Variants in SLC2A14 observed in about 807,000 individuals in gnomAD.
SLC2A14 encodes the protein solute carrier family 2 member 14, also known as solute carrier family 2, facilitated glucose transporter member 14.
In SLC2A14, 13 loss-of-function variants were observed where a neutral mutation model predicts 43.0. That is an observed-to-expected ratio of 0.30 (90% CI 0.20 to 0.48). The LOEUF (loss-of-function observed/expected upper bound fraction) is 0.48, where lower values mean the gene tolerates loss of function less well. SLC2A14 is among the 20% of genes least tolerant of loss of function. The pLI is 0.99. For synonymous variants in SLC2A14, 190 were observed against 233.8 expected (o/e 0.81, Z 1.71); for missense variants, 428 against 620.4 (o/e 0.69, Z 3.29).
intron 1 of SLC2A14, chr12:7,871,227 G>A: frequency 8.1e-7 from 1 of 1,241,028 alleles, no homozygotes; most frequent in Non-Finnish European, 1.0e-6. Context: ...ACCACCTCCA[G>A]GAGCTGCTCA....
At chr12:7,887,312 G>GAAA (rs113187028) in intron 1 of SLC2A14, among the ~76,000 whole-genome samples, 1 of 146,390 alleles carries the variant, frequency 6.8e-6, no homozygotes, top group African/African-American at 2.5e-5. Context: ...AGGCTGTCAT[G>GAAA]AAAAAAAAAA....
Position 7,832,714 on chromosome 12 carries a change from GC to G in SLC2A14, c.111+7del. ...TCCAGATTCTAATTCTTGTGGCCTG[GC>G]ACTCACCGTCTCAGGAGCATTGATG... On this transcript the variant is annotated splice_region_variant and intron_variant, in intron 3 of 10. Coordinates refer to ENST00000431042, the MANE Select transcript of SLC2A14 (RefSeq NM_001286234.2). 6 of 1,612,490 alleles carry G rather than the reference GC, an allele frequency of 3.7e-6. No individual in the cohort carries two copies. Among genetic ancestry groups the G allele is most frequent in the Non-Finnish European group, 4.2e-6 (5 of 1,178,748 alleles).
intron 2 of SLC2A14, among the ~76,000 whole-genome samples, chr12:7,841,356 G>A (rs962334820): frequency 2.0e-5 from 3 of 152,004 alleles, no homozygotes; most frequent in East Asian, 1.9e-4. Context: ...CACCTCCCAC[G>A]TTTAAGCGAT....
intron 2 of SLC2A14, among the ~76,000 whole-genome samples, chr12:7,855,393 A>G (rs776082068): frequency 6.6e-6 from 1 of 151,960 alleles, no homozygotes; most frequent in Non-Finnish European, 1.5e-5. Flanking sequence ...TTCCTGCCTC[A>G]GCCTCCAAAA....
chr12:7,855,399 C>T (rs779942696), intron 2 of SLC2A14, among the ~76,000 whole-genome samples: 26 of 152,224 alleles, frequency 1.7e-4, no homozygotes, highest in African/African-American at 6.3e-4. Context: ...CCTCAGCCTC[C>T]AAAAGTGCTG....
upstream of SLC2A14, among the ~76,000 whole-genome samples, chr12:7,876,760 T>A (rs1945469901): frequency 6.6e-6 from 1 of 151,910 alleles, no homozygotes; most frequent in Non-Finnish European, 1.5e-5. Flanking sequence ...TCAAAGATTT[T>A]AAAACTCACT....
intron 1 of SLC2A14, among the ~76,000 whole-genome samples, chr12:7,889,233 C>CTTT (rs142327842): frequency 0.46 from 60,315 of 132,302 alleles, 14,154 homozygotes; most frequent in Admixed American, 0.48. Flanking sequence ...GCTGGTTGCC[C>CTTT]TTTTTTTTTT....
intron 1 of SLC2A14, among the ~76,000 whole-genome samples, chr12:7,870,161 A>T (rs1945146768): frequency 6.6e-6 from 1 of 152,052 alleles, no homozygotes. Context: ...GCATTTTTTC[A>T]AATAAGGGTT....
At chr12:7,861,911 G>T (rs961504585) in intron 2 of SLC2A14, among the ~76,000 whole-genome samples, 1 of 150,152 alleles carries the variant, frequency 6.7e-6, no homozygotes, top group African/African-American at 2.5e-5. Flanking sequence ...GCAATGAGCT[G>T]AGATTACGCC....
rs1301846875 is a variant in SLC2A14, at chr12:7,816,379, C to T, written c.1275+1452G>A. Among the ~76,000 whole-genome samples, 2 of 46,410 alleles carry T rather than the reference C, an allele frequency of 4.3e-5. 1 individual carries two copies. The highest frequency in any genetic ancestry group is 8.3e-5 in the Non-Finnish European group (2 of 23,982). 30.4% of individuals were successfully genotyped at this position (46,410 alleles called of 152,430 possible). A position where few individuals can be genotyped will look rare whatever the true frequency, so the allele number is the denominator to read the frequency against. ...TCGGCCTCCCAAAGTGCTGGGATTA[C>T]AGGCGTGAGCCACCGCGCCCGGCCA... On this transcript the variant is annotated intron_variant, in intron 10 of 10. Transcript: ENST00000431042.
intron 10 of SLC2A14, among the ~76,000 whole-genome samples, 191 bp downstream of exon 10, chr12:7,817,640 G>A (rs1451267563): frequency 1.3e-5 from 2 of 152,012 alleles, no homozygotes; most frequent in Non-Finnish European, 2.9e-5. Flanking sequence ...GGTGGCGGGT[G>A]CCTGTAGTCC....
At chr12:7,860,008 C>T (rs1367030351) in intron 2 of SLC2A14, among the ~76,000 whole-genome samples, 2 of 152,154 alleles carry the variant, frequency 1.3e-5, no homozygotes, top group Non-Finnish European at 2.9e-5. Context: ...GACACTGCTC[C>T]ACCCACGCCT....
intron 2 of SLC2A14, chr12:7,840,017 T>G (rs1592216172): frequency 9.1e-6 from 3 of 331,086 alleles, no homozygotes; most frequent in Non-Finnish European, 5.7e-6. Flanking sequence ...GTGGCTGAGG[T>G]GGGAGGATCA....
Position 7,829,993 on chromosome 12 carries a change from G to C in SLC2A14, c.286C>G (p.Leu96Val). Reference sequence around the variant, plus strand: ...GTGGCAGCCAACAGGTTGACAATCAGCATTGAATTGCGCCTGTAAGGTTAA... The same window carrying C: ...GTGGCAGCCAACAGGTTGACAATCACCATTGAATTGCGCCTGTAAGGTTAA... Reference protein sequence around the residue: ...VNRFGRRNSMLIVNLLAATGG... With the variant: ...VNRFGRRNSMVIVNLLAATGG... Residue 96 changes from leucine to valine, a missense_variant, in exon 5 of 11, where the codon CTG (leucine) becomes GTG (valine). Transcript: ENST00000431042. 2 of 1,614,202 alleles carry C rather than the reference G, an allele frequency of 1.2e-6. No individual in the cohort carries two copies. Among genetic ancestry groups the C allele is most frequent in the Non-Finnish European group, 1.7e-6 (2 of 1,180,036 alleles).
chr12:7,856,654 C>T (rs893601332), intron 2 of SLC2A14, among the ~76,000 whole-genome samples: 3 of 152,078 alleles, frequency 2.0e-5, no homozygotes, highest in East Asian at 1.9e-4. Context: ...GATGATTAAA[C>T]GGAGCACCAC....
chr12:7,864,633 C>G (rs908143768), intron 2 of SLC2A14, among the ~76,000 whole-genome samples: 3 of 152,122 alleles, frequency 2.0e-5, no homozygotes, highest in Admixed American at 2.0e-4. Flanking sequence ...CCACCGTGCC[C>G]GGCTGAGCTT....
intron 7 of SLC2A14, among the ~76,000 whole-genome samples, chr12:7,825,263 C>CTATCTTGGCTAACA (rs1555120633): frequency 5.9e-5 from 8 of 134,550 alleles, no homozygotes; most frequent in Admixed American, 1.6e-4. Flanking sequence ...GAGTTCAAGA[C>CTATCTTGGCTAACA]CAGACTGGTC....
intron 1 of SLC2A14, chr12:7,872,173 A>C (rs1344937841): frequency 6.6e-6 from 1 of 152,238 alleles, no homozygotes; most frequent in African/African-American, 2.4e-5. Flanking sequence ...GAATGAATCC[A>C]GCACTGAATA....
At chr12:7,871,120 A>G (rs998113443) in intron 1 of SLC2A14, 199 of 1,335,476 alleles carry the variant, frequency 1.5e-4, no homozygotes, top group Non-Finnish European at 1.9e-4. Flanking sequence ...TTCCCTCACC[A>G]TGTTTGGGGA....
Sources: gnomAD v4.1 joint callset for allele counts (sites outside exome capture counted in the v4.1 genomes callset) on GRCh38, gnomAD v4.1.1 for gene constraint, MANE v1.5 for transcripts, NCBI Gene and HGNC (gene_info 2026-07-23, HGNC 2026-07-21) for gene names.